SPAG16: variants seen among roughly 807,000 people sequenced by gnomAD.
SPAG16 encodes the protein sperm-associated antigen 16 protein.
SPAG16 carries 86 observed loss-of-function variants against 80.4 expected under a neutral mutation model. The observed-to-expected ratio is 1.07, with a 90% CI of 0.90 to 1.28. SPAG16 has a LOEUF of 1.28. Among genes scored for constraint, SPAG16 ranks in the 50% most tolerant of loss-of-function variants. SPAG16 has a pLI of 0.00. For synonymous variants in SPAG16, 294 were observed against 265.9 expected, an observed-to-expected ratio of 1.11 and a Z score of -1.03; for missense variants, 870 against 765.3, an observed-to-expected ratio of 1.14 and a Z score of -1.61.
At chr2:213,735,223 A>G (rs1202350876) in intron 10 of SPAG16, among the ~76,000 whole-genome samples, 1 of 152,192 alleles carries the variant, frequency 6.6e-6, no homozygotes, top group Non-Finnish European at 1.5e-5. Flanking sequence ...CTGGTTCTAG[A>G]GTCACATTAT....
intron 7 of SPAG16, among the ~76,000 whole-genome samples, chr2:213,354,766 C>G (rs1156423853): frequency 1.3e-5 from 2 of 152,118 alleles, no homozygotes; most frequent in Non-Finnish European, 2.9e-5. Flanking sequence ...AATATTAGCT[C>G]TTTGTCAGAT....
intron 9 of SPAG16, among the ~76,000 whole-genome samples, chr2:213,411,892 TA>T (rs57998726): frequency 1.1e-3 from 170 of 147,950 alleles, no homozygotes; most frequent in African/African-American, 4.0e-3. Context: ...TAAGCCATGT[TA>T]AAAAAAAAAG....
At chr2:213,965,427 T>C (rs2044661188) in intron 12 of SPAG16, among the ~76,000 whole-genome samples, 1 of 148,522 alleles carries the variant, frequency 6.7e-6, no homozygotes, top group Non-Finnish European at 1.5e-5. Flanking sequence ...TTAGACTCCA[T>C]TAATTTGTAG....
At chr2:213,958,319 A>G (rs935609886) in intron 12 of SPAG16, among the ~76,000 whole-genome samples, 1 of 152,052 alleles carries the variant, frequency 6.6e-6, no homozygotes, top group Non-Finnish European at 1.5e-5. Context: ...CAGGTAGGTT[A>G]TATCTAGCTG....
At chr2:214,312,499 T>A (rs1695403449) in intron 15 of SPAG16, among the ~76,000 whole-genome samples, 1 of 152,136 alleles carries the variant, frequency 6.6e-6, no homozygotes, top group Non-Finnish European at 1.5e-5. Flanking sequence ...GTGTATAGGG[T>A]TCTTGGTATA....
At chr2:213,840,086 G>A (rs1269363097) in intron 10 of SPAG16, among the ~76,000 whole-genome samples, 1 of 152,096 alleles carries the variant, frequency 6.6e-6, no homozygotes, top group Non-Finnish European at 1.5e-5. Flanking sequence ...AAAAGCAGAT[G>A]TATACTTTTT....
intron 9 of SPAG16, among the ~76,000 whole-genome samples, chr2:213,404,004 T>A (rs1268509141): frequency 2.6e-5 from 4 of 152,046 alleles, no homozygotes; most frequent in African/African-American, 9.7e-5. Context: ...TTACAAGGGA[T>A]GTGAAGGACC....
intron 12 of SPAG16, among the ~76,000 whole-genome samples, chr2:213,947,750 C>T (rs904999310): frequency 6.6e-6 from 1 of 152,080 alleles, no homozygotes; most frequent in African/African-American, 2.4e-5. Flanking sequence ...AGAAAAAATC[C>T]ATAGTCTATG....
chr2:213,677,501 A>G (rs1431607432), intron 10 of SPAG16, among the ~76,000 whole-genome samples: 1 of 152,064 alleles, frequency 6.6e-6, no homozygotes, highest in South Asian at 2.1e-4. Context: ...TAAACCAACA[A>G]AGATCAAAAG....
At chr2:213,817,950 T>A (rs2072668219) in intron 10 of SPAG16, among the ~76,000 whole-genome samples, 1 of 152,172 alleles carries the variant, frequency 6.6e-6, no homozygotes, top group African/African-American at 2.4e-5. Flanking sequence ...AACTTGTACA[T>A]GTTCTCCCTG....
intron 9 of SPAG16, among the ~76,000 whole-genome samples, chr2:213,461,253 C>A (rs545060158): frequency 2.0e-5 from 3 of 152,152 alleles, no homozygotes; most frequent in Admixed American, 2.0e-4. Context: ...TTAACAGAGG[C>A]AACAAAAAGG....
rs569386710 is a variant in SPAG16, at chr2:213,367,597, G to A, written c.832+3452G>A. On this transcript the variant is annotated intron_variant, in intron 8 of 15. Coordinates refer to ENST00000331683, the MANE Select transcript of SPAG16 (RefSeq NM_024532.5). ...GCATAAATGTCTTCTTTTGAGAAGT[G>A]TCTGTTCATATCCTTCACCCACTTG... Among the ~76,000 whole-genome samples, 80 of 152,214 alleles carry A rather than the reference G, an allele frequency of 5.3e-4. 1 individual carries two copies. The South Asian group carries it at 7.9e-3, about 15-fold the overall frequency.
chr2:213,974,273 G>GGC (rs2045240930), intron 12 of SPAG16, among the ~76,000 whole-genome samples: 1 of 151,992 alleles, frequency 6.6e-6, no homozygotes, highest in Non-Finnish European at 1.5e-5. Flanking sequence ...AGATTAGTTT[G>GGC]GCAGTGATGG....
intron 15 of SPAG16, among the ~76,000 whole-genome samples, chr2:214,362,706 A>C (rs1183889805): frequency 6.6e-6 from 1 of 151,914 alleles, no homozygotes; most frequent in Non-Finnish European, 1.5e-5. Flanking sequence ...TTGAAATTGC[A>C]ATTCACCAAG....
chr2:213,697,674 A>G (rs1019580724), intron 10 of SPAG16, among the ~76,000 whole-genome samples: 1 of 152,194 alleles, frequency 6.6e-6, no homozygotes, highest in African/African-American at 2.4e-5. Flanking sequence ...CTGTTGCTTT[A>G]TGCCACTAAG....
At chr2:213,420,195 T>C (rs577587744) in intron 9 of SPAG16, among the ~76,000 whole-genome samples, 1 of 152,334 alleles carries the variant, frequency 6.6e-6, no homozygotes, top group South Asian at 2.1e-4. Context: ...TTTATTGCTT[T>C]CTTGGAACTT....
chr2:213,929,248 A>G (rs1018608536), intron 11 of SPAG16, among the ~76,000 whole-genome samples: 3 of 151,924 alleles, frequency 2.0e-5, no homozygotes, highest in Non-Finnish European at 4.4e-5. Context: ...TCCTGACCTC[A>G]GGCGATTCGC....
intron 10 of SPAG16, among the ~76,000 whole-genome samples, chr2:213,621,911 A>AT (rs35910856): frequency 6.6e-6 from 1 of 152,122 alleles, no homozygotes; most frequent in Non-Finnish European, 1.5e-5. Flanking sequence ...CCAGGACTAC[A>AT]TTTTTTAGCA....
chr2:214,206,793 G>A (rs75082654), intron 15 of SPAG16, among the ~76,000 whole-genome samples: 7,922 of 151,924 alleles, frequency 0.052, 705 homozygotes, highest in African/African-American at 0.18. Context: ...GTTATTTTTT[G>A]CTTTTTTATA....
Sources: gnomAD v4.1 joint callset for allele counts (sites outside exome capture counted in the v4.1 genomes callset) on GRCh38, gnomAD v4.1.1 for gene constraint, MANE v1.5 for transcripts, NCBI Gene and HGNC (gene_info 2026-07-23, HGNC 2026-07-21) for gene names.